CFAP20DC: variants seen among roughly 807,000 people sequenced by gnomAD.
CFAP20DC encodes the protein CFAP20 domain containing.
Under a neutral mutation model 101.7 loss-of-function variants are expected in CFAP20DC, and 84 were observed. The observed-to-expected ratio is 0.83, with a 90% confidence interval of 0.69 to 0.99. CFAP20DC has a LOEUF of 0.99. Among genes scored for constraint, CFAP20DC ranks in the 50% least tolerant of loss-of-function variants. The pLI, the probability that CFAP20DC is intolerant of heterozygous loss-of-function variation, is 0.00. For synonymous variants in CFAP20DC, 359 were observed against 351.2 expected, an observed-to-expected ratio of 1.02 and a Z score of -0.25; for missense variants, 1,007 against 970.3, an observed-to-expected ratio of 1.04 and a Z score of -0.50.
intron 4 of CFAP20DC, among the ~76,000 whole-genome samples, chr3:58,950,101 A>C (rs1348839767): frequency 6.6e-6 from 1 of 152,202 alleles, no homozygotes; most frequent in African/African-American, 2.4e-5. Flanking sequence ...ATGTGCAAAA[A>C]TCACAAGCAT....
At chr3:58,888,465 A>C (rs956153017) in intron 6 of CFAP20DC, among the ~76,000 whole-genome samples, 1 of 152,104 alleles carries the variant, frequency 6.6e-6, no homozygotes, top group Non-Finnish European at 1.5e-5. Context: ...TTTATTACAT[A>C]GGTAAGTATG....
intron 4 of CFAP20DC, among the ~76,000 whole-genome samples, chr3:58,952,519 A>G (rs2090229760): frequency 6.6e-6 from 1 of 151,916 alleles, no homozygotes; most frequent in South Asian, 2.1e-4. Context: ...TGTTCATTGA[A>G]CCCTGTGGAA....
intron 7 of CFAP20DC, among the ~76,000 whole-genome samples, chr3:58,878,734 G>C (rs1446258272): frequency 6.6e-6 from 1 of 152,078 alleles, no homozygotes; most frequent in Non-Finnish European, 1.5e-5. Context: ...CCTCTGTGCT[G>C]GGCGGGGTGG....
At chr3:58,759,284 G>A (rs1406471878) in intron 15 of CFAP20DC, among the ~76,000 whole-genome samples, 1 of 152,170 alleles carries the variant, frequency 6.6e-6, no homozygotes, top group East Asian at 1.9e-4. Context: ...TTCTCTGATG[G>A]CCAGTGATGG....
rs577048825 is a variant in CFAP20DC, at chr3:59,003,936, A to G, written c.278+35621T>C. ...AGTGCAGAAGGAGCTCTCCTAACAGACCCATTGGATTAATGGACACTCTTC... is the reference window on the plus strand; with the variant it reads ...AGTGCAGAAGGAGCTCTCCTAACAGGCCCATTGGATTAATGGACACTCTTC... On this transcript the variant is annotated intron_variant, in intron 4 of 16. Transcript: ENST00000482387. 2.6e-5 allele frequency among the ~76,000 whole-genome samples: 4 copies of G among 152,274 alleles called. No homozygotes were observed. In the South Asian group the frequency reaches 6.2e-4, roughly 24 times the overall value.
intron 4 of CFAP20DC, among the ~76,000 whole-genome samples, chr3:58,948,647 T>TC (rs2089679872): frequency 6.6e-6 from 1 of 152,326 alleles, no homozygotes; most frequent in East Asian, 1.9e-4. Flanking sequence ...GCCCACTTGA[T>TC]CATGGTGGAT....
intron 6 of CFAP20DC, among the ~76,000 whole-genome samples, chr3:58,905,247 CTG>C (rs2083482038): frequency 6.6e-6 from 1 of 151,372 alleles, no homozygotes; most frequent in South Asian, 2.1e-4. Context: ...TTTCTCTCCT[CTG>C]TCTTCCTTTT....
chr3:58,875,928 C>A (rs1378662280), intron 7 of CFAP20DC, among the ~76,000 whole-genome samples: 2 of 152,086 alleles, frequency 1.3e-5, no homozygotes, highest in Non-Finnish European at 2.9e-5. Flanking sequence ...GTAGTGGACA[C>A]CCAGTGTCTA....
chr3:58,937,355 C>G (rs2107778707), intron 5 of CFAP20DC, among the ~76,000 whole-genome samples: 1 of 152,298 alleles, frequency 6.6e-6, no homozygotes, highest in South Asian at 2.1e-4. Flanking sequence ...TTCAGAAAGC[C>G]TTCCCCCATC....
chr3:58,759,339 T>C (rs2069296395), intron 15 of CFAP20DC, among the ~76,000 whole-genome samples: 1 of 152,260 alleles, frequency 6.6e-6, no homozygotes, highest in Non-Finnish European at 1.5e-5. Context: ...ATGTCTTCTT[T>C]TGAGAAGTGT....
At chr3:58,986,086 T>C (rs1024277892) in intron 4 of CFAP20DC, among the ~76,000 whole-genome samples, 2 of 152,232 alleles carry the variant, frequency 1.3e-5, no homozygotes, top group African/African-American at 4.8e-5. Context: ...CAACATGAAC[T>C]GAGCTAATGA....
At chr3:58,816,442 C>A (rs370523153) in intron 14 of CFAP20DC, among the ~76,000 whole-genome samples, 1 of 152,094 alleles carries the variant, frequency 6.6e-6, no homozygotes, top group African/African-American at 2.4e-5. Flanking sequence ...GTGCACCGTG[C>A]GCGAGCCGAA....
rs201804120 is a variant in CFAP20DC, at chr3:58,806,448, G to A, written c.2184C>T (p.Asn728=). ...TTTCTTTCTGATAGTGGCGACCCTG[G>A]TTGACAGGCTGGAAAAGACAAAACA... ...TWNSCLPPPV[N]QGRHYQKEMN... is the part of the protein sequence containing the mutation. The change falls in exon 15 of 17, where the codon AAC becomes AAT. Residue 728 remains asparagine (N), a synonymous_variant. Coordinates refer to ENST00000482387, the MANE Select transcript of CFAP20DC (RefSeq NM_001394063.1). 10 of 1,611,736 alleles carry A rather than the reference G, an allele frequency of 6.2e-6. No individual in the cohort carries two copies. Among genetic ancestry groups the A allele is most frequent in the Non-Finnish European group, 8.5e-6 (10 of 1,177,902 alleles).
chr3:58,841,607 C>A (rs981500395), intron 13 of CFAP20DC, among the ~76,000 whole-genome samples: 1 of 152,170 alleles, frequency 6.6e-6, no homozygotes, highest in African/African-American at 2.4e-5. Flanking sequence ...AAAATGTGCT[C>A]ACACTATTCT....
At chr3:59,000,594 T>C (rs918720926) in intron 4 of CFAP20DC, among the ~76,000 whole-genome samples, 2 of 152,040 alleles carry the variant, frequency 1.3e-5, no homozygotes, top group African/African-American at 4.8e-5. Context: ...AAACTGGAAA[T>C]ATTTCAGGGC....
At chr3:58,878,510 C>CT (rs1048175741) in intron 7 of CFAP20DC, among the ~76,000 whole-genome samples, 3 of 151,766 alleles carry the variant, frequency 2.0e-5, no homozygotes, top group South Asian at 2.1e-4. Context: ...AGCAAAGAAA[C>CT]TTTTTTTTAG....
At chr3:58,787,086 C>T (rs534647573) in intron 15 of CFAP20DC, among the ~76,000 whole-genome samples, 3 of 151,246 alleles carry the variant, frequency 2.0e-5, no homozygotes, top group Non-Finnish European at 4.4e-5. Context: ...GAAAACAGTG[C>T]TATAAAAATA....
intron 13 of CFAP20DC, among the ~76,000 whole-genome samples, chr3:58,832,896 T>TA (rs2076491731): frequency 6.6e-6 from 1 of 152,210 alleles, no homozygotes; most frequent in Non-Finnish European, 1.5e-5. Flanking sequence ...CAGTGTGATT[T>TA]ACACGCAGAA....
chr3:59,039,986 G>A (rs1576809471), intron 3 of CFAP20DC, among the ~76,000 whole-genome samples: 1 of 151,764 alleles, frequency 6.6e-6, no homozygotes. Flanking sequence ...TCCATTCAAG[G>A]CAGCCATAAA....
Sources: gnomAD v4.1 joint callset for allele counts (sites outside exome capture counted in the v4.1 genomes callset) on GRCh38, gnomAD v4.1.1 for gene constraint, MANE v1.5 for transcripts, NCBI Gene and HGNC (gene_info 2026-07-23, HGNC 2026-07-21) for gene names.